Variants in FBRSL1 observed in about 807,000 individuals in gnomAD.
FBRSL1 encodes the protein fibrosin-1-like protein.
A neutral mutation model predicts 89.6 loss-of-function variants in FBRSL1; 51 were observed. That is an observed-to-expected ratio of 0.57 (90% CI 0.45 to 0.72). The LOEUF (loss-of-function observed/expected upper bound fraction) is 0.72, where lower values mean the gene tolerates loss of function less well. Ranked by LOEUF, FBRSL1 falls within the 30% of genes least tolerant of loss-of-function variation. The pLI is 0.00. For synonymous variants in FBRSL1, 779 were observed against 681.1 expected (o/e 1.14, Z -2.24); for missense variants, 1,618 against 1,451.8 (o/e 1.11, Z -1.86).
At chr12:132,575,051 G>A (rs1021457687) in intron 14 of FBRSL1, among the ~76,000 whole-genome samples, 4 of 152,012 alleles carry the variant, frequency 2.6e-5, no homozygotes, top group African/African-American at 4.8e-5. Context: ...TAGGAGCTGC[G>A]GGAGCGGGAG....
chr12:132,538,257 G>C (rs1054399911), intron 4 of FBRSL1, among the ~76,000 whole-genome samples: 2 of 152,208 alleles, frequency 1.3e-5, no homozygotes, highest in Non-Finnish European at 2.9e-5. Flanking sequence ...CGCCGACGCA[G>C]GGCTCTCCAG....
chr12:132,511,963 T>A, intron 2 of FBRSL1: 10 of 985,424 alleles, frequency 1.0e-5, no homozygotes, highest in Non-Finnish European at 1.2e-5. Context: ...GCATCAGCGT[T>A]TGTAATTTAA....
chr12:132,514,034 C>T (rs539156846), intron 2 of FBRSL1, among the ~76,000 whole-genome samples: 22 of 152,320 alleles, frequency 1.4e-4, no homozygotes, highest in East Asian at 7.7e-4. Flanking sequence ...CCCTGCCCTG[C>T]GTGTTGGAAA....
chr12:132,539,896 C>T (rs9738381), intron 4 of FBRSL1, among the ~76,000 whole-genome samples: 281 of 8,514 alleles, frequency 0.033, 29 homozygotes, highest in Admixed American at 0.052. Flanking sequence ...GCCCGATGCC[C>T]ACCCAGTCCT....
At chr12:132,517,314 A>G (rs2034931599) in intron 2 of FBRSL1, among the ~76,000 whole-genome samples, 2 of 152,232 alleles carry the variant, frequency 1.3e-5, no homozygotes, top group African/African-American at 4.8e-5. Context: ...GGAGTGGAAG[A>G]GGAAGGCTGA....
At position 132,505,518 on chromosome 12, in the gene FBRSL1, G is replaced by A. The variant is rs113703952; in HGVS notation, c.292-2635G>A. Among the ~76,000 whole-genome samples the A allele has an allele frequency of 2.8e-3, 421 of 152,322 alleles. 2 individuals carry two copies. The highest frequency in any genetic ancestry group is 7.4e-3 in the African/African-American group (309 of 41,568). Reference sequence around the variant, plus strand: ...GGGGAACTCTGGTCCTCACAGGAGCGGGGGTGACCACGCTGCTGCCTGTCA... The same window carrying A: ...GGGGAACTCTGGTCCTCACAGGAGCAGGGGTGACCACGCTGCTGCCTGTCA... On this transcript the variant is annotated intron_variant, in intron 1 of 18. Transcript: ENST00000680143.
intron 2 of FBRSL1, among the ~76,000 whole-genome samples, chr12:132,515,087 A>G (rs755810433): frequency 1.3e-5 from 2 of 152,102 alleles, no homozygotes; most frequent in Non-Finnish European, 2.9e-5. Flanking sequence ...TCTCATGCCC[A>G]TGCTGTTCCC....
intron 1 of FBRSL1, among the ~76,000 whole-genome samples, chr12:132,506,754 G>C (rs2033732481): frequency 6.6e-6 from 1 of 152,288 alleles, no homozygotes; most frequent in African/African-American, 2.4e-5. Context: ...GAACTCTGGA[G>C]GCCATGGGCT....
At chr12:132,510,510 G>A in intron 2 of FBRSL1, 1 of 1,231,846 alleles carries the variant, frequency 8.1e-7, no homozygotes, top group Non-Finnish European at 1.0e-6. Context: ...CACCCTGGCA[G>A]GGCCCCAAGG....
At chr12:132,533,189 C>G (rs1260185705) in intron 4 of FBRSL1, among the ~76,000 whole-genome samples, 1 of 150,002 alleles carries the variant, frequency 6.7e-6, no homozygotes, top group East Asian at 2.0e-4. Flanking sequence ...CCCAGCCTCT[C>G]CCTGGAGTCA....
At chr12:132,533,679 C>T (rs1720531553) in intron 4 of FBRSL1, among the ~76,000 whole-genome samples, 1 of 152,262 alleles carries the variant, frequency 6.6e-6, no homozygotes, top group Non-Finnish European at 1.5e-5. Flanking sequence ...TGCCACCCAT[C>T]TGTCCGTCCA....
At chr12:132,506,174 T>G (rs1380547119) in intron 1 of FBRSL1, among the ~76,000 whole-genome samples, 1 of 152,048 alleles carries the variant, frequency 6.6e-6, no homozygotes, top group African/African-American at 2.4e-5. Context: ...GGAAACTGCC[T>G]TGTGCTTGGT....
intron 14 of FBRSL1, among the ~76,000 whole-genome samples, chr12:132,575,234 T>G (rs1217349044): frequency 1.4e-5 from 2 of 142,516 alleles, no homozygotes; most frequent in African/African-American, 2.8e-5. Flanking sequence ...CTGTATGTCT[T>G]TCTTTTTTTT....
At chr12:132,564,389 G>A (rs543069748) in intron 5 of FBRSL1, among the ~76,000 whole-genome samples, 1 of 152,188 alleles carries the variant, frequency 6.6e-6, no homozygotes, top group African/African-American at 2.4e-5. Flanking sequence ...GATAGGAAAC[G>A]TGTGCTGTGG....
chr12:132,514,463 C>T (rs1203372421), intron 2 of FBRSL1, among the ~76,000 whole-genome samples: 2 of 152,242 alleles, frequency 1.3e-5, no homozygotes, highest in African/African-American at 2.4e-5. Context: ...ACCGGCCATC[C>T]TCCTCCGGCC....
At chr12:132,572,435 G>A (rs940346751) in intron 10 of FBRSL1, 91 bp downstream of exon 10, 87 of 1,506,954 alleles carry the variant, frequency 5.8e-5, no homozygotes, top group Admixed American at 4.7e-4. Context: ...GCCTGGCCTC[G>A]CCCCTGCTGC....
intron 2 of FBRSL1, among the ~76,000 whole-genome samples, chr12:132,522,811 CAGTG>C (rs2035472245): frequency 1.3e-5 from 2 of 152,230 alleles, no homozygotes; most frequent in South Asian, 4.1e-4. Flanking sequence ...TTGGTGCCGT[CAGTG>C]AGCTGTGTCC....
chr12:132,545,459 G>A (rs530575243), intron 4 of FBRSL1, among the ~76,000 whole-genome samples: 54 of 152,362 alleles, frequency 3.5e-4, no homozygotes, highest in African/African-American at 1.2e-3. Flanking sequence ...TGACAGTGCC[G>A]TGCTATTTGG....
chr12:132,511,804 G>A, intron 2 of FBRSL1: 2 of 985,310 alleles, frequency 2.0e-6, no homozygotes, highest in Non-Finnish European at 2.4e-6. Flanking sequence ...CTCTGGTGCA[G>A]CATCTGCTTT....
Sources: gnomAD v4.1 joint callset for allele counts (sites outside exome capture counted in the v4.1 genomes callset) on GRCh38, gnomAD v4.1.1 for gene constraint, MANE v1.5 for transcripts, NCBI Gene and HGNC (gene_info 2026-07-23, HGNC 2026-07-21) for gene names.